KDM2A: variants seen among roughly 807,000 people sequenced by gnomAD.
KDM2A encodes lysine demethylase 2A, also known as lysine-specific demethylase 2A.
KDM2A carries 3 observed loss-of-function variants against 137.3 expected under a neutral mutation model. That is an observed-to-expected ratio of 0.02 (90% confidence interval 0.01 to 0.06). The LOEUF (loss-of-function observed/expected upper bound fraction) is 0.06, where lower values mean the gene tolerates loss of function less well. KDM2A is among the 10% of genes least tolerant of loss of function. The pLI, the probability that KDM2A is intolerant of heterozygous loss-of-function variation, is 1.00. For missense variants in KDM2A, 738 were observed against 1,510.6 expected (o/e 0.49, Z 8.48); for synonymous variants, 512 against 541.5 (o/e 0.95, Z 0.76).
At chr11:67,187,923 G>A (rs184039329) in intron 5 of KDM2A, among the ~76,000 whole-genome samples, 152 of 152,292 alleles carry the variant, frequency 1.0e-3, no homozygotes, top group Non-Finnish European at 1.9e-3. Flanking sequence ...GGCCTGGTAT[G>A]GTGCCTCACA....
rs1276626657 is a variant in KDM2A at position 67,168,583 on chromosome 11, ACACACACACACACACACACACAC to A, written c.43-11495_43-11473del. Among the ~76,000 whole-genome samples, 659 of 81,346 alleles carry A rather than the reference ACACACACACACACACACACACAC, an allele frequency of 8.1e-3. 72 individuals are homozygous for A. Among genetic ancestry groups the A allele is most frequent in the African/African-American group, 0.014 (335 of 23,220 alleles). The allele number at this position is 81,346 out of a possible 152,430, so 53.4% of individuals were successfully genotyped here. On this transcript the variant is annotated intron_variant, in intron 2 of 20. Coordinates refer to ENST00000529006, the MANE Select transcript of KDM2A (RefSeq NM_012308.3). ...ACACACACAGTCTTGTATGAATTAT[ACACACACACACACACACACACAC>A]ACACACACACACACACACACACACA...
At position 67,215,363 on chromosome 11, in the gene KDM2A, C is replaced by T. The variant is rs745872538; in HGVS notation, c.510C>T (p.Asp170=). The T allele has an allele frequency of 6.2e-7, 1 of 1,613,270 alleles. No homozygotes were observed. The highest frequency in any genetic ancestry group is 8.5e-7 in the Non-Finnish European group (1 of 1,179,384). ...PSTVDFIDWV[D]NMWPRHLKES... is the part of the protein sequence containing the mutation. ...AGGTGGATTTCATTGACTGGGTAGA[C>T]AACATGTGGCCAAGGCACTTGAAGG... The change falls in exon 7 of 21, where the codon GAC becomes GAT. Residue 170 remains aspartate (D), a synonymous_variant. Coordinates refer to ENST00000529006, the MANE Select transcript of KDM2A (RefSeq NM_012308.3).
chr11:67,157,315 C>T (rs1856538723), intron 2 of KDM2A, among the ~76,000 whole-genome samples: 1 of 117,420 alleles, frequency 8.5e-6, no homozygotes, highest in Non-Finnish European at 1.7e-5. Context: ...AGACTCCCGT[C>T]TCAAAAAAAA....
At chr11:67,157,096 G>A (rs1161437924) in intron 2 of KDM2A, among the ~76,000 whole-genome samples, 4 of 151,378 alleles carry the variant, frequency 2.6e-5, no homozygotes, top group African/African-American at 4.9e-5. Context: ...GGCCGATCAC[G>A]AGGTCAGGAG....
intron 10 of KDM2A, among the ~76,000 whole-genome samples, chr11:67,222,042 T>G (rs1858371025): frequency 6.7e-6 from 1 of 150,270 alleles, no homozygotes; most frequent in Admixed American, 6.6e-5. Context: ...AAAATACTCC[T>G]GTTTAACTCT....
chr11:67,212,778 G>A (rs553364920), intron 6 of KDM2A, among the ~76,000 whole-genome samples: 9 of 149,938 alleles, frequency 6.0e-5, no homozygotes, highest in East Asian at 5.9e-4. Flanking sequence ...GAATGAATGC[G>A]TGGTAAAAAA....
At chr11:67,168,178 C>A (rs1007968455) in intron 2 of KDM2A, among the ~76,000 whole-genome samples, 1 of 151,888 alleles carries the variant, frequency 6.6e-6, no homozygotes, top group Non-Finnish European at 1.5e-5. Context: ...TGAAGAGAAA[C>A]CCCCTAAAAT....
At chr11:67,247,067 A>ATTTTTTTTTTTT (rs1224405381) in intron 15 of KDM2A, among the ~76,000 whole-genome samples, 1 of 27,512 alleles carries the variant, frequency 3.6e-5, no homozygotes, top group Non-Finnish European at 6.5e-5. Flanking sequence ...ATATATATAT[A>ATTTTTTTTTTTT]TATATTTTTT....
intron 2 of KDM2A, among the ~76,000 whole-genome samples, chr11:67,126,707 CAAAA>C (rs765065960): frequency 2.7e-5 from 2 of 75,276 alleles, no homozygotes; most frequent in Non-Finnish European, 6.1e-5. Flanking sequence ...GACTCCATTT[CAAAA>C]AAAAAAAAAA....
intron 5 of KDM2A, among the ~76,000 whole-genome samples, chr11:67,182,147 T>A (rs1857103823): frequency 6.6e-6 from 1 of 152,170 alleles, no homozygotes; most frequent in African/African-American, 2.4e-5. Context: ...AGAGTGTGCC[T>A]TCTAGGGCAA....
intron 17 of KDM2A, 169 bp from the exon 18 acceptor site, chr11:67,252,525 A>G: frequency 1.4e-6 from 1 of 702,094 alleles, no homozygotes. Context: ...AGTTCAAGGC[A>G]ATTTTTTGCC....
chr11:67,134,434 A>G, intron 2 of KDM2A, among the ~76,000 whole-genome samples: 1 of 152,234 alleles, frequency 6.6e-6, no homozygotes, highest in East Asian at 1.9e-4. Flanking sequence ...GGAAATACCC[A>G]GTAGATAGGT....
chr11:67,172,319 A>T (rs1277704456), intron 2 of KDM2A, among the ~76,000 whole-genome samples: 1 of 152,228 alleles, frequency 6.6e-6, no homozygotes, highest in Non-Finnish European at 1.5e-5. Context: ...GCCAAAAAGA[A>T]AAAAAGCTGT....
intron 2 of KDM2A, among the ~76,000 whole-genome samples, chr11:67,174,864 T>C (rs1856946216): frequency 6.6e-6 from 1 of 152,212 alleles, no homozygotes; most frequent in South Asian, 2.1e-4. Context: ...AGAGGAAATA[T>C]GGTTGAAATG....
At chr11:67,191,798 C>T (rs1398824683) in intron 5 of KDM2A, among the ~76,000 whole-genome samples, 3 of 152,202 alleles carry the variant, frequency 2.0e-5, no homozygotes, top group Non-Finnish European at 4.4e-5. Flanking sequence ...CCTGCTTTTA[C>T]TGCCTCTATT....
Position 67,231,684 on chromosome 11 carries a change from C to T in KDM2A, c.1203C>T (p.Asn401=), listed in dbSNP as rs937146408. 4 of 1,613,746 alleles carry T rather than the reference C, an allele frequency of 2.5e-6. No homozygotes were observed. In the African/African-American group the frequency reaches 4.0e-5, roughly 16 times the overall value. ...CTAGCCCTGTAGCGAATGGAGTCAA[C>T]CTGGATTATGATGGACTGGGCAAAA... ...VLTSPVANGV[N]LDYDGLGKTC... The change falls in exon 12 of 21, where the codon AAC becomes AAT. Residue 401 remains asparagine (N), a synonymous_variant. Transcript: ENST00000529006.
intron 2 of KDM2A, among the ~76,000 whole-genome samples, chr11:67,179,712 T>C (rs960504460): frequency 2.0e-5 from 3 of 152,260 alleles, no homozygotes; most frequent in South Asian, 4.1e-4. Context: ...GAAAAAATTA[T>C]ATTTTGTATC....
chr11:67,180,328 C>T, intron 3 of KDM2A, 111 bp downstream of exon 3: 1 of 1,142,126 alleles, frequency 8.8e-7, no homozygotes, highest in Non-Finnish European at 1.2e-6. Flanking sequence ...TTGATGTTAT[C>T]TATCTATTTT....
At chr11:67,148,983 A>G (rs1345189684) in intron 2 of KDM2A, 1 of 152,172 alleles carries the variant, frequency 6.6e-6, no homozygotes, top group Admixed American at 6.5e-5. Flanking sequence ...TTGGGTTGTT[A>G]TAACATGTTT....
Sources: allele counts gnomAD v4.1 joint callset (sites outside exome capture counted in the v4.1 genomes callset), GRCh38; gene constraint gnomAD v4.1.1; transcripts MANE v1.5; gene names NCBI Gene and HGNC (gene_info 2026-07-23, HGNC 2026-07-21).